Variants in RANBP9 observed in about 807,000 individuals in gnomAD.
RANBP9 encodes the protein ran-binding protein 9.
A neutral mutation model predicts 84.3 loss-of-function variants in RANBP9; 15 were observed. The ratio of observed to expected loss-of-function variants is 0.18; its 90% CI spans 0.12 to 0.27. The LOEUF is 0.27. RANBP9 is among the 10% of genes least tolerant of loss of function. The pLI is 1.00. For synonymous variants in RANBP9, 392 were observed against 349.6 expected (o/e 1.12, Z -1.35); for missense variants, 809 against 912.8 (o/e 0.89, Z 1.46).
At chr6:13,656,855 G>C (rs1004608465) in intron 4 of RANBP9, among the ~76,000 whole-genome samples, 9 of 152,092 alleles carry the variant, frequency 5.9e-5, no homozygotes, top group African/African-American at 2.2e-4. Context: ...TCTAGAATAA[G>C]TATCTCAGTG....
chr6:13,668,407 A>G (rs1765700083), intron 2 of RANBP9, among the ~76,000 whole-genome samples: 1 of 152,118 alleles, frequency 6.6e-6, no homozygotes, highest in Non-Finnish European at 1.5e-5. Flanking sequence ...AAACTAGATA[A>G]AGGCATCACA....
chr6:13,641,985 A>C (rs911753502), intron 7 of RANBP9, among the ~76,000 whole-genome samples: 4 of 152,182 alleles, frequency 2.6e-5, no homozygotes, highest in Non-Finnish European at 4.4e-5. Context: ...ATGGCTAACT[A>C]TGGACCAGTT....
rs1355148168 is a variant in RANBP9, at chr6:13,711,345, C to A, written c.161G>T (p.Gly54Val). The change falls in exon 1 of 14, where the codon GGT becomes GTT. Residue 54 changes from glycine (G) to valine (V), a missense_variant. Physicochemically the swap from Gly to Val is moderately radical, Grantham distance 109. Transcript: ENST00000011619. ...GSSPAGSPGG[G>V]AGGEGLGAAA... is the part of the protein sequence containing the mutation. ...GGCCCCTAAGCCTTCGCCGCCCGCA[C>A]CGCCGCCGGGCGAGCCGGCCGGAGA... 7.0e-6 allele frequency: 8 copies of A among 1,135,684 alleles called. No individual in the cohort carries two copies. The highest frequency in any genetic ancestry group is 8.6e-6 in the Non-Finnish European group (8 of 927,118). The allele number at this position is 1,135,684 out of a possible 1,614,324, so 70.4% of individuals were successfully genotyped here.
At chr6:13,707,881 T>C (rs1005748486) in intron 1 of RANBP9, among the ~76,000 whole-genome samples, 3 of 152,256 alleles carry the variant, frequency 2.0e-5, no homozygotes, top group Non-Finnish European at 4.4e-5. Flanking sequence ...TTTGTACTTA[T>C]TCAATACTGA....
intron 1 of RANBP9, among the ~76,000 whole-genome samples, chr6:13,698,528 TATAGA>T (rs1561694761): frequency 1.3e-5 from 2 of 152,218 alleles, no homozygotes; most frequent in African/African-American, 4.8e-5. Flanking sequence ...CAAATAAATC[TATAGA>T]AAACTATCTA....
At chr6:13,642,872 G>A (rs1430170864) in intron 6 of RANBP9, among the ~76,000 whole-genome samples, 2 of 152,058 alleles carry the variant, frequency 1.3e-5, no homozygotes, top group South Asian at 4.1e-4. Flanking sequence ...CCTTTTCTTT[G>A]ATTCTTGGAC....
chr6:13,650,772 C>T (rs149339011), intron 5 of RANBP9, among the ~76,000 whole-genome samples: 2 of 151,996 alleles, frequency 1.3e-5, no homozygotes, highest in Admixed American at 6.6e-5. Flanking sequence ...GCATCAGCCT[C>T]GGCAACCTGG....
At position 13,621,589 on chromosome 6, in the gene RANBP9, G is replaced by A. The variant is rs1248165161; in HGVS notation, c.*773C>T. On this transcript the variant is annotated 3_prime_UTR_variant, in exon 14 of 14. Transcript: ENST00000011619. Reference sequence around the variant, plus strand: ...ATTTAAGCACTTAAAAATGGAAGGTGTACAAAGATTAAATTAAGACACGGT... The same window carrying A: ...ATTTAAGCACTTAAAAATGGAAGGTATACAAAGATTAAATTAAGACACGGT... 6.6e-6 allele frequency: 1 copy of A among 152,554 alleles called. No individual in the cohort carries two copies. The highest frequency in any genetic ancestry group is 1.5e-5 in the Non-Finnish European group (1 of 68,030). The allele number at this position is 152,554 out of a possible 1,614,324, so 9.5% of individuals were successfully genotyped here.
chr6:13,706,809 C>A (rs1478397088), intron 1 of RANBP9, among the ~76,000 whole-genome samples: 1 of 151,986 alleles, frequency 6.6e-6, no homozygotes, highest in Non-Finnish European at 1.5e-5. Context: ...CAAGACCAGC[C>A]TGGCCAACAT....
At chr6:13,639,989 G>T (rs753179156) in intron 8 of RANBP9, among the ~76,000 whole-genome samples, 6 of 151,974 alleles carry the variant, frequency 3.9e-5, no homozygotes, top group Admixed American at 2.0e-4. Flanking sequence ...CTTTAATCAG[G>T]ATTTACCAAA....
intron 1 of RANBP9, among the ~76,000 whole-genome samples, chr6:13,705,243 A>C (rs1232797921): frequency 2.6e-5 from 4 of 151,706 alleles, no homozygotes. Context: ...ATCGCTACTA[A>C]ATATACAAAA....
At chr6:13,625,549 C>T (rs755544810) in intron 13 of RANBP9, 104 bp downstream of exon 13, 29 of 672,436 alleles carry the variant, frequency 4.3e-5, no homozygotes, top group Non-Finnish European at 6.6e-5. Flanking sequence ...ATATAGAAAA[C>T]ATTTTCCTGA....
At chr6:13,623,944 T>G (rs1417270724) in intron 13 of RANBP9, among the ~76,000 whole-genome samples, 2 of 152,198 alleles carry the variant, frequency 1.3e-5, no homozygotes, top group African/African-American at 4.8e-5. Flanking sequence ...CTGGTCACTT[T>G]AAAGATTAGT....
intron 13 of RANBP9, 24 bp downstream of exon 13, chr6:13,625,629 T>C (rs1427102577): frequency 6.7e-7 from 1 of 1,502,308 alleles, no homozygotes; most frequent in Admixed American, 1.7e-5. Flanking sequence ...TAACTGAAAT[T>C]GTGCCTTATT....
chr6:13,693,138 C>G (rs1766366878), intron 2 of RANBP9, among the ~76,000 whole-genome samples: 1 of 151,988 alleles, frequency 6.6e-6, no homozygotes, highest in Non-Finnish European at 1.5e-5. Flanking sequence ...AAAGGTACTC[C>G]TAAACTAGGA....
At chr6:13,708,407 A>G (rs764966944) in intron 1 of RANBP9, among the ~76,000 whole-genome samples, 1 of 152,186 alleles carries the variant, frequency 6.6e-6, no homozygotes, top group Admixed American at 6.6e-5. Flanking sequence ...TCAAGGCAAC[A>G]AAGTTGAAAT....
At chr6:13,689,681 G>A (rs527467614) in intron 2 of RANBP9, among the ~76,000 whole-genome samples, 1 of 152,124 alleles carries the variant, frequency 6.6e-6, no homozygotes, top group East Asian at 1.9e-4. Context: ...AGACTATTCT[G>A]GCCATTTACC....
intron 5 of RANBP9, among the ~76,000 whole-genome samples, chr6:13,647,140 G>A (rs1006631753): frequency 2.4e-4 from 37 of 152,098 alleles, no homozygotes; most frequent in African/African-American, 8.7e-4. Context: ...AATTGACCAA[G>A]TAATTTCACT....
At chr6:13,709,837 G>C (rs1206693361) in intron 1 of RANBP9, among the ~76,000 whole-genome samples, 1 of 152,162 alleles carries the variant, frequency 6.6e-6, no homozygotes, top group African/African-American at 2.4e-5. Flanking sequence ...TAACCACAAG[G>C]TTGTTTATCT....
Sources: gnomAD v4.1 joint callset for allele counts (sites outside exome capture counted in the v4.1 genomes callset) on GRCh38, gnomAD v4.1.1 for gene constraint, MANE v1.5 for transcripts, NCBI Gene and HGNC (gene_info 2026-07-23, HGNC 2026-07-21) for gene names.